RHOBTB3: variants seen among roughly 807,000 people sequenced by gnomAD.
RHOBTB3 encodes Rho related BTB domain containing 3, also known as rho-related BTB domain-containing protein 3.
A neutral mutation model predicts 67.2 loss-of-function variants in RHOBTB3; 47 were observed. That is an observed-to-expected ratio of 0.70 (90% CI 0.55 to 0.89). RHOBTB3 has a LOEUF of 0.89. RHOBTB3 is among the 40% of genes least tolerant of loss of function. The pLI is 0.00. For missense variants in RHOBTB3, 631 were observed against 750.0 expected, an observed-to-expected ratio of 0.84 and a Z score of 1.85; for synonymous variants, 273 against 274.2, an observed-to-expected ratio of 1.00 and a Z score of 0.04.
intron 11 of RHOBTB3, among the ~76,000 whole-genome samples, chr5:95,790,271 A>C (rs1202890653): frequency 6.6e-6 from 1 of 152,246 alleles, no homozygotes; most frequent in Non-Finnish European, 1.5e-5. Flanking sequence ...CAGAAGGAAC[A>C]TTCTTCTATA....
chr5:95,732,553 G>C (rs1311798367), intron 2 of RHOBTB3: 1 of 199,208 alleles, frequency 5.0e-6, no homozygotes, highest in East Asian at 1.2e-4. Context: ...GAAAGCGGAG[G>C]AAAAGACAGG....
chr5:95,760,017 C>A (rs1472030067), intron 6 of RHOBTB3, among the ~76,000 whole-genome samples: 1 of 151,450 alleles, frequency 6.6e-6, no homozygotes, highest in Non-Finnish European at 1.5e-5. Flanking sequence ...TTTTTTTAAC[C>A]TTTAGGAATT....
intron 8 of RHOBTB3, among the ~76,000 whole-genome samples, chr5:95,772,354 C>G (rs957626318): frequency 7.9e-5 from 12 of 152,202 alleles, no homozygotes; most frequent in Admixed American, 5.9e-4. Flanking sequence ...CCTGGATGTT[C>G]TAGCTACTGG....
intron 7 of RHOBTB3, among the ~76,000 whole-genome samples, chr5:95,764,678 A>G (rs894769187): frequency 3.3e-5 from 5 of 152,356 alleles, no homozygotes; most frequent in East Asian, 1.9e-4. Flanking sequence ...TATATTAACT[A>G]TAAGAAAAAT....
chr5:95,772,559 C>T (rs1465098268), intron 8 of RHOBTB3, among the ~76,000 whole-genome samples: 1 of 152,030 alleles, frequency 6.6e-6, no homozygotes, highest in East Asian at 1.9e-4. Context: ...TCCCCTAAGA[C>T]TCTGGAATTT....
intron 11 of RHOBTB3, 33 bp downstream of exon 11, chr5:95,788,891 C>CT: frequency 7.9e-7 from 1 of 1,262,530 alleles, no homozygotes; most frequent in Non-Finnish European, 1.1e-6. Flanking sequence ...GAAAAGAAAA[C>CT]TTTATGTTCT....
At chr5:95,730,610 A>G (rs191256530), upstream of RHOBTB3, among the ~76,000 whole-genome samples, 2 of 152,334 alleles carry the variant, frequency 1.3e-5, no homozygotes, top group Admixed American at 1.3e-4. Context: ...TCTCCAAGTA[A>G]ACTGGCATTT....
chr5:95,721,657 G>A (rs1323089220), intron 1 of RHOBTB3, among the ~76,000 whole-genome samples: 1 of 148,500 alleles, frequency 6.7e-6, no homozygotes, highest in Non-Finnish European at 1.5e-5. Context: ...TATTTAAGGA[G>A]CTCTAAAGAG....
At chr5:95,741,711 C>T (rs1755605954) in intron 3 of RHOBTB3, among the ~76,000 whole-genome samples, 1 of 151,684 alleles carries the variant, frequency 6.6e-6, no homozygotes, top group African/African-American at 2.4e-5. Flanking sequence ...GGGGGAGGGA[C>T]CGTGTCTGTC....
At chr5:95,789,936 T>C (rs1054728249) in intron 11 of RHOBTB3, among the ~76,000 whole-genome samples, 6 of 152,242 alleles carry the variant, frequency 3.9e-5, no homozygotes, top group African/African-American at 1.4e-4. Context: ...AAGGATCACT[T>C]GAACCCAGGA....
At chr5:95,759,106 A>T (rs1745325036) in intron 6 of RHOBTB3, among the ~76,000 whole-genome samples, 1 of 152,326 alleles carries the variant, frequency 6.6e-6, no homozygotes, top group African/African-American at 2.4e-5. Context: ...TGGAATAGGG[A>T]TCGGAGGGCA....
chr5:95,731,678 A>G lies in RHOBTB3; in HGVS notation c.-5A>G. 6.2e-7 allele frequency: 1 copy of G among 1,613,314 alleles called. No individual in the cohort carries two copies. ...AGTCGCCGCCCTGCCCTTGGATTTG[A>G]GATCATGTACGTACGCGCCGCCGTC... On this transcript the variant is annotated 5_prime_UTR_variant, in exon 1 of 12. Coordinates refer to ENST00000379982, the MANE Select transcript of RHOBTB3 (RefSeq NM_014899.4).
At chr5:95,732,244 T>C in intron 2 of RHOBTB3, 160 bp downstream of exon 2, 1 of 693,668 alleles carries the variant, frequency 1.4e-6, no homozygotes, top group South Asian at 1.7e-5. Flanking sequence ...TTTGTTTCAC[T>C]GGGCAGGGAA....
intron 1 of RHOBTB3, 38 bp from the exon 2 acceptor site, chr5:95,731,821 G>T (rs200148580): frequency 6.2e-7 from 1 of 1,602,538 alleles, no homozygotes; most frequent in African/African-American, 1.3e-5. Context: ...CGCGCTGACC[G>T]TGCTTCCCTT....
intron 1 of RHOBTB3, among the ~76,000 whole-genome samples, chr5:95,724,540 C>T (rs2545638): frequency 0.49 from 75,196 of 151,982 alleles, 19,302 homozygotes; most frequent in East Asian, 0.91. Flanking sequence ...AGGGCACAGA[C>T]CCTGGGGCCA....
chr5:95,736,036 A>C (rs868002076), intron 2 of RHOBTB3, among the ~76,000 whole-genome samples: 1 of 152,178 alleles, frequency 6.6e-6, no homozygotes, highest in Admixed American at 6.5e-5. Flanking sequence ...TGGGAGGTGG[A>C]GGCTGCAGTG....
At chr5:95,768,511 C>G (rs1745613463) in intron 8 of RHOBTB3, among the ~76,000 whole-genome samples, 1 of 152,046 alleles carries the variant, frequency 6.6e-6, no homozygotes, top group African/African-American at 2.4e-5. Flanking sequence ...GAGCTAACCC[C>G]CTTAAAATTA....
At chr5:95,724,595 A>G (rs1219717308) in intron 1 of RHOBTB3, among the ~76,000 whole-genome samples, 2 of 152,156 alleles carry the variant, frequency 1.3e-5, no homozygotes, top group Non-Finnish European at 2.9e-5. Context: ...CTACTTGGGT[A>G]GCTGGGATTA....
chr5:95,764,476 A>G (rs893207032), intron 7 of RHOBTB3, among the ~76,000 whole-genome samples: 1 of 152,228 alleles, frequency 6.6e-6, no homozygotes, highest in Non-Finnish European at 1.5e-5. Context: ...GTATATTGCC[A>G]TAGACTGGTG....
Sources: allele counts gnomAD v4.1 joint callset (sites outside exome capture counted in the v4.1 genomes callset), GRCh38; gene constraint gnomAD v4.1.1; transcripts MANE v1.5; gene names NCBI Gene and HGNC (gene_info 2026-07-23, HGNC 2026-07-21).